The following GRAMD1B variants were observed in gnomAD, a reference collection of about 807,000 sequenced individuals.
GRAMD1B encodes the protein GRAM domain containing 1B.
In GRAMD1B, 37 loss-of-function variants were observed where a neutral mutation model predicts 99.7. The observed-to-expected ratio is 0.37, with a 90% confidence interval of 0.29 to 0.49. GRAMD1B has a LOEUF of 0.49. Ranked by LOEUF, GRAMD1B falls within the 20% of genes least tolerant of loss-of-function variation. GRAMD1B has a pLI of 0.98. For synonymous variants in GRAMD1B, 427 were observed against 387.6 expected (o/e 1.10, Z -1.19); for missense variants, 888 against 1,009.2 (o/e 0.88, Z 1.63).
chr11:123,493,371 A>G (rs1938832257), intron 2 of GRAMD1B, among the ~76,000 whole-genome samples: 1 of 152,210 alleles, frequency 6.6e-6, no homozygotes, highest in South Asian at 2.1e-4. Context: ...CTGTCAGCAA[A>G]TAGTAGGCCT....
At chr11:123,571,700 A>C (rs1948116464) in intron 2 of GRAMD1B, among the ~76,000 whole-genome samples, 1 of 152,112 alleles carries the variant, frequency 6.6e-6, no homozygotes, top group South Asian at 2.1e-4. Context: ...GATTTCAGGA[A>C]TCTCTAAAAC....
intron 4 of GRAMD1B, among the ~76,000 whole-genome samples, chr11:123,590,921 G>A (rs983602550): frequency 2.0e-5 from 3 of 152,170 alleles, no homozygotes; most frequent in African/African-American, 7.2e-5. Flanking sequence ...TTAGACCCTG[G>A]ACCCGGCTGT....
intron 1 of GRAMD1B, among the ~76,000 whole-genome samples, 158 bp downstream of exon 1, chr11:123,431,324 G>A (rs1013383431): frequency 6.6e-6 from 1 of 152,246 alleles, no homozygotes; most frequent in Non-Finnish European, 1.5e-5. Flanking sequence ...CAGGGATGGT[G>A]GCATTCAGCT....
intron 2 of GRAMD1B, among the ~76,000 whole-genome samples, chr11:123,570,365 A>G (rs1277545752): frequency 6.6e-6 from 1 of 151,972 alleles, no homozygotes; most frequent in Admixed American, 6.6e-5. Context: ...AAGTGGACAA[A>G]GATATTTACT....
intron 1 of GRAMD1B, among the ~76,000 whole-genome samples, chr11:123,413,313 C>T (rs1948116358): frequency 6.6e-6 from 1 of 152,164 alleles, no homozygotes; most frequent in African/African-American, 2.4e-5. Flanking sequence ...AGAAATGGAG[C>T]AAAGCATATT....
intron 1 of GRAMD1B, among the ~76,000 whole-genome samples, chr11:123,368,275 A>AAAGAG (rs1555106318): frequency 1.6e-5 from 2 of 127,112 alleles, no homozygotes; most frequent in Admixed American, 7.9e-5. Context: ...AAAAAAAAAA[A>AAAGAG]AAAGAAAGAA....
chr11:123,390,792 G>A (rs1014173115), intron 1 of GRAMD1B, among the ~76,000 whole-genome samples: 1 of 152,074 alleles, frequency 6.6e-6, no homozygotes. Flanking sequence ...ACCCCATCTA[G>A]GCCAAACTCA....
intron 3 of GRAMD1B, among the ~76,000 whole-genome samples, chr11:123,582,611 GCA>G (rs1180240797): frequency 1.3e-5 from 2 of 152,200 alleles, no homozygotes; most frequent in Admixed American, 6.5e-5. Flanking sequence ...CTGCTCAGAA[GCA>G]GCCCCACCCA....
intron 2 of GRAMD1B, among the ~76,000 whole-genome samples, chr11:123,550,163 G>C (rs1241794221): frequency 6.6e-6 from 1 of 152,200 alleles, no homozygotes. Context: ...GAGAGTCCAG[G>C]CTGAATTAAA....
intron 15 of GRAMD1B, chr11:123,613,115 C>A (rs1953820834): frequency 5.4e-6 from 3 of 558,786 alleles, no homozygotes; most frequent in Non-Finnish European, 9.5e-6. Context: ...CCCCTCACCC[C>A]AAAAGGAACC....
chr11:123,613,160 A>G, intron 15 of GRAMD1B: 1 of 552,426 alleles, frequency 1.8e-6, no homozygotes, highest in Non-Finnish European at 3.2e-6. Flanking sequence ...CTGTGACGAG[A>G]AGTATTTGTA....
At chr11:123,546,126 G>T (rs1348067542) in intron 2 of GRAMD1B, among the ~76,000 whole-genome samples, 1 of 152,236 alleles carries the variant, frequency 6.6e-6, no homozygotes, top group African/African-American at 2.4e-5. Context: ...GGAATAGCTA[G>T]ACATAAGTAC....
chr11:123,582,733 T>C lies in GRAMD1B; in HGVS notation c.664-1579T>C, dbSNP rs569384367. ...GGTGGAATGGGGGAGATAGATCACATGGCCACTGGTCATCACCGCGGGCAC... is the reference window on the plus strand; with the variant it reads ...GGTGGAATGGGGGAGATAGATCACACGGCCACTGGTCATCACCGCGGGCAC... On this transcript the variant is annotated intron_variant, in intron 3 of 19. Transcript: ENST00000635736. Among the ~76,000 whole-genome samples, 6 of 152,238 alleles carry C rather than the reference T, an allele frequency of 3.9e-5. No homozygotes were observed. The South Asian group carries it at 1.2e-3, about 32-fold the overall frequency.
rs1219156517 is a variant in GRAMD1B at position 123,625,458 on chromosome 11, A to G, written c.*2863A>G. On this transcript the variant is annotated 3_prime_UTR_variant, in exon 20 of 20. Transcript: ENST00000635736. ...AGCTTACTGTGAAAGAATTGACAAG[A>G]CTGGCCTCAGACAAGCTAATCATGG... The G allele has an allele frequency of 6.6e-6, 1 of 152,356 alleles. No individual in the cohort carries two copies. The highest frequency in any genetic ancestry group is 1.9e-4 in the East Asian group (1 of 5,178). The allele number at this position is 152,356 out of a possible 1,614,324, so 9.4% of individuals were successfully genotyped here.
intron 2 of GRAMD1B, among the ~76,000 whole-genome samples, chr11:123,528,487 T>C (rs773933480): frequency 7.2e-5 from 11 of 152,172 alleles, no homozygotes; most frequent in Non-Finnish European, 1.5e-4. Flanking sequence ...GCTCACAGTG[T>C]TATGATAAGA....
At chr11:123,473,549 A>G (rs1694374832) in intron 1 of GRAMD1B, among the ~76,000 whole-genome samples, 1 of 152,224 alleles carries the variant, frequency 6.6e-6, no homozygotes, top group Non-Finnish European at 1.5e-5. Flanking sequence ...CTGGGATTAC[A>G]GGTGTGACCC....
At chr11:123,460,154 C>A (rs1443048034) in intron 1 of GRAMD1B, 2 of 152,034 alleles carry the variant, frequency 1.3e-5, no homozygotes, top group African/African-American at 2.4e-5. Flanking sequence ...TGCTCGATAT[C>A]CTGAATTATC....
chr11:123,608,741 T>C lies in GRAMD1B; in HGVS notation c.1596T>C (p.Tyr532=), dbSNP rs371374979. Residue 532 remains tyrosine (Y), a synonymous_variant, in exon 12 of 20, where the codon TAT becomes TAC. Transcript: ENST00000635736. The part of the protein sequence containing the change: ...EVFNFSVDKL[Y]DLLFTNSPFQ... ...TCAACTTCAGCGTGGACAAGCTCTA[T>C]GACCTCCTCTTCACCAACTCGCCCT... 1.4e-4 allele frequency: 212 copies of C among 1,553,524 alleles called. 1 individual carries two copies. The highest frequency in any genetic ancestry group is 1.7e-4 in the Non-Finnish European group (195 of 1,147,806).
At chr11:123,415,095 C>CTTTTTTTTTTTTT (rs1175202539) in intron 1 of GRAMD1B, among the ~76,000 whole-genome samples, 7 of 75,814 alleles carry the variant, frequency 9.2e-5, no homozygotes, top group East Asian at 4.1e-4. Flanking sequence ...CTTTTTCTTT[C>CTTTTTTTTTTTTT]TTTTTTTTTT....
Sources: allele counts gnomAD v4.1 joint callset (sites outside exome capture counted in the v4.1 genomes callset), GRCh38; gene constraint gnomAD v4.1.1; transcripts MANE v1.5; gene names NCBI Gene and HGNC (gene_info 2026-07-23, HGNC 2026-07-21).